NOTCH4: variants seen among roughly 807,000 people sequenced by gnomAD.
The protein encoded by NOTCH4 is notch receptor 4, also known as neurogenic locus notch homolog protein 4.
In NOTCH4, 138 loss-of-function variants were observed where a neutral mutation model predicts 189.0. That is an observed-to-expected ratio of 0.73 (90% CI 0.64 to 0.84). The LOEUF is 0.84. NOTCH4 is among the 40% of genes least tolerant of loss of function. NOTCH4 has a pLI of 0.00. For missense variants in NOTCH4, 2,286 were observed against 2,605.4 expected (o/e 0.88, Z 2.67); for synonymous variants, 942 against 1,032.8 (o/e 0.91, Z 1.69).
rs1396630711 is a variant in NOTCH4 at position 32,202,546 on chromosome 6, G to A, written c.3285C>T (p.His1095=). ...GCAGACACAGGCCTCCGTGGTGGCA[G>A]TGATGGAAGCCGCAGGAAGGGGCCC... is the stretch of plus-strand genomic sequence containing the variant. ...SHRAPSCGFH[H]CHHGGLCLPS... is the part of the protein sequence containing the mutation. The change falls in exon 21 of 30, where the codon CAC becomes CAT. Residue 1095 remains histidine (H), a synonymous_variant. Transcript: ENST00000375023. This position sits in a 1 kb window ranked among gnomAD's most constrained non-coding sequence, Gnocchi z 5.7. The A allele has an allele frequency of 1.2e-6, 2 of 1,607,216 alleles. No individual in the cohort carries two copies. Among genetic ancestry groups the A allele is most frequent in the Admixed American group, 1.7e-5 (1 of 59,918 alleles).
At chr6:32,197,263 G>A in intron 27 of NOTCH4, 36 bp downstream of exon 27, 1 of 1,514,538 alleles carries the variant, frequency 6.6e-7, no homozygotes, top group Non-Finnish European at 8.8e-7. Context: ...TTGTAAGCTC[G>A]CCCCATTCCC....
At position 32,203,907 on chromosome 6, in the gene NOTCH4, G is replaced by A. The variant is rs185824740; in HGVS notation, c.3119-25C>T. The A allele has an allele frequency of 2.6e-3, 3,943 of 1,526,758 alleles. 23 individuals carry two copies. The highest frequency in any genetic ancestry group is 2.4e-3 in the Non-Finnish European group (2,697 of 1,125,550). The allele number at this position is 1,526,758 out of a possible 1,614,324, so 94.6% of individuals were successfully genotyped here. On this transcript the variant is annotated intron_variant, in intron 19 of 29. Transcript: ENST00000375023. ...CCTGTAATTATGGGGGAGATTAGAT[G>A]TCACACACTGCATCAGTCACTGCCT...
chr6:32,206,074 A>G (rs1413896369), intron 18 of NOTCH4, among the ~76,000 whole-genome samples: 1 of 152,074 alleles, frequency 6.6e-6, no homozygotes, highest in Non-Finnish European at 1.5e-5. Flanking sequence ...TCAAAATAAT[A>G]AAAGCCATAT....
At position 32,195,955 on chromosome 6, in the gene NOTCH4, TG is replaced by T; in HGVS notation, c.5493del (p.Thr1832ArgfsTer17). On this transcript the variant is annotated frameshift_variant, in exon 30 of 30. Transcript: ENST00000375023. LOFTEE classifies it low-confidence loss of function (END_TRUNC). This position sits in a 1 kb window ranked among gnomAD's most constrained non-coding sequence, Gnocchi z 5.4. Reference sequence around the variant, plus strand: ...AAGGGCCCAGCCTCGCGGCCCGGCGTGGCTTTGTGACGGGCCTCTGGTGGCC... The same window carrying T: ...AAGGGCCCAGCCTCGCGGCCCGGCGTGCTTTGTGACGGGCCTCTGGTGGCC... Reference protein sequence around the residue: ...GAGPPEARHKATPGREAGPFP... With the variant: ...GAGPPEARHKXTPGREAGPFP... 1.3e-6 allele frequency: 2 copies of T among 1,594,844 alleles called. No homozygotes were observed. Among genetic ancestry groups the T allele is most frequent in the Non-Finnish European group, 1.7e-6 (2 of 1,177,496 alleles).
rs967411037 is a variant in NOTCH4, at chr6:32,197,351, C to G, written c.5000G>C (p.Gly1667Ala). Residue 1667 changes from glycine to alanine, a missense_variant, in exon 27 of 30, where the codon GGG becomes GCG. This residue lies in a region of NOTCH4 where 1,903 missense variants were observed against 2,261.9 expected (regional missense o/e 0.84). Transcript: ENST00000375023. Reference protein sequence around the residue: ...GANPNQPDRAGRTPLHAAVAA... With the variant: ...GANPNQPDRAARTPLHAAVAA... ...CACAGCAGCATGAAGGGGTGTGCGC[C>G]CTGCCCGGTCTGGCTGGTTGGGGTT... The G allele has an allele frequency of 6.5e-7, 1 of 1,535,526 alleles. No individual in the cohort carries two copies. Among genetic ancestry groups the G allele is most frequent in the African/African-American group, 1.4e-5 (1 of 72,540 alleles).
At position 32,219,469 on chromosome 6, in the gene NOTCH4, A is replaced by C. The variant is rs1022295864; in HGVS notation, c.1510+123T>G. The stretch of plus-strand genomic sequence containing the variant: ...TGAGTTTTCGTCTGGGGGTAGAGAG[A>C]GAAGCATCTGTGGTAACTTACGCCA... On this transcript the variant is annotated intron_variant, in intron 8 of 29. Transcript: ENST00000375023. The C allele has an allele frequency of 4.9e-5, 43 of 870,428 alleles. No homozygotes were observed. In the African/African-American group the frequency reaches 7.0e-4, roughly 14 times the overall value. The allele number at this position is 870,428 out of a possible 1,614,324, so 53.9% of individuals were successfully genotyped here. A position where few individuals can be genotyped will look rare whatever the true frequency, so the allele number is the denominator to read the frequency against.
Position 32,196,421 on chromosome 6 carries a change from C to T in NOTCH4, c.5201G>A (p.Gly1734Glu), listed in dbSNP as rs769112107. Reference sequence around the variant, plus strand: ...AGCAGCCCAGTGCAGCGCAGTTTTCCCTAGGGGACGACGTGGGAGGTTGTT... The same window carrying T: ...AGCAGCCCAGTGCAGCGCAGTTTTCTCTAGGGGACGACGTGGGAGGTTGTT... ...QADVGARDKW[G>E]KTALHWAAAV... is the part of the protein sequence containing the mutation. Residue 1734 changes from glycine to glutamate, a missense_variant and splice_region_variant, in exon 29 of 30, where the codon GGG becomes GAG. Around this residue, in one of 2 missense-constraint regions of NOTCH4, gnomAD observed 1,903 missense variants for 2,261.9 expected, o/e 0.84. Coordinates refer to ENST00000375023, the MANE Select transcript of NOTCH4 (RefSeq NM_004557.4). 3 of 1,612,694 alleles carry T rather than the reference C, an allele frequency of 1.9e-6. No individual in the cohort carries two copies. The highest frequency in any genetic ancestry group is 2.2e-5 in the East Asian group (1 of 44,892).
In NOTCH4 at chr6:32,214,226, G is replaced by C; in HGVS notation, c.2051C>G (p.Thr684Arg). The C allele has an allele frequency of 6.2e-7, 1 of 1,613,324 alleles. No individual in the cohort carries two copies. The highest frequency in any genetic ancestry group is 8.5e-7 in the Non-Finnish European group (1 of 1,179,724). Reference protein sequence around the residue: ...RSSCVCDVGWTGPECEAELGG... With the variant: ...RSSCVCDVGWRGPECEAELGG... ...TAGCTCTGCCTCACACTCTGGCCCC[G>C]TCCAACCCACGTCACACACACATGA... Residue 684 changes from threonine to arginine, a missense_variant, in exon 13 of 30, where the codon ACG becomes AGG. Transcript: ENST00000375023.
At position 32,218,643 on chromosome 6, in the gene NOTCH4, G is replaced by A. The variant is rs145447055; in HGVS notation, c.1511-535C>T. On this transcript the variant is annotated intron_variant, in intron 8 of 29. Transcript: ENST00000375023. ...GAGGTGGGATCAACCTCTGGACCTTGGCTTCCTTTCTTTTCTTGCCTGAGG... is the reference window on the plus strand; with the variant it reads ...GAGGTGGGATCAACCTCTGGACCTTAGCTTCCTTTCTTTTCTTGCCTGAGG... Among the ~76,000 whole-genome samples, 904 of 152,222 alleles carry A rather than the reference G, an allele frequency of 5.9e-3. 7 individuals carry two copies. In the Middle Eastern group the frequency reaches 0.068, roughly 11 times the overall value.
At position 32,197,647 on chromosome 6, in the gene NOTCH4, G is replaced by A. The variant is rs192514872; in HGVS notation, c.4757-53C>T. On this transcript the variant is annotated intron_variant, in intron 26 of 29. Transcript: ENST00000375023. ...ATCTAAAGGACACAACAAGGGGGAA[G>A]GGACAACATGTAAGCTCAGAGAGAA... 1,002 of 1,472,974 alleles carry A rather than the reference G, an allele frequency of 6.8e-4. 3 individuals are homozygous for A. Among genetic ancestry groups the A allele is most frequent in the Non-Finnish European group, 8.6e-4 (934 of 1,086,536 alleles). The allele number at this position is 1,472,974 out of a possible 1,614,324, so 91.2% of individuals were successfully genotyped here.
chr6:32,195,849 C>G lies in NOTCH4; in HGVS notation c.5600G>C (p.Gly1867Ala). ...ALPRCRTLSA[G>A]AGPRGGGACL... The stretch of plus-strand genomic sequence containing the variant: ...AGCTCCGCCCCCACGAGGGCCTGCT[C>G]CGGCTGACAGCGTCCGGCAGCGCGG... Residue 1867 changes from glycine (G) to alanine (A), a missense_variant, in exon 30 of 30, where the codon GGA becomes GCA. Around this residue, in one of 2 missense-constraint regions of NOTCH4, gnomAD observed 383 missense variants for 343.5 expected, o/e 1.11. Transcript: ENST00000375023. This position sits in a 1 kb window ranked among gnomAD's most constrained non-coding sequence, Gnocchi z 5.4. 3 of 1,597,230 alleles carry G rather than the reference C, an allele frequency of 1.9e-6. No homozygotes were observed. Among genetic ancestry groups the G allele is most frequent in the Non-Finnish European group, 2.5e-6 (3 of 1,178,428 alleles).
chr6:32,209,579 C>A (rs184816386), intron 18 of NOTCH4, among the ~76,000 whole-genome samples: 2 of 152,216 alleles, frequency 1.3e-5, no homozygotes, highest in Admixed American at 1.3e-4. Flanking sequence ...ACATTGTATG[C>A]ATGTATCAAA....
At position 32,210,885 on chromosome 6, in the gene NOTCH4, C is replaced by A; in HGVS notation, c.2732G>T (p.Gly911Val). 1.2e-6 allele frequency: 2 copies of A among 1,611,842 alleles called. No individual in the cohort carries two copies. The highest frequency in any genetic ancestry group is 1.7e-6 in the Non-Finnish European group (2 of 1,179,362). ...CHNGGLCVDS[G>V]PSYFCHCPPG... ...GGGGCAGTGGCAGAAATAGGAGGGG[C>A]CGCTGTCGACACAGAGGCCTCCATT... is the stretch of plus-strand genomic sequence containing the variant. Residue 911 changes from glycine to valine, a missense_variant, in exon 18 of 30, where the codon GGC becomes GTC. Gly to Val is a moderately radical substitution (Grantham distance 109). This residue lies in a region of NOTCH4 where 1,903 missense variants were observed against 2,261.9 expected (regional missense o/e 0.84). Transcript: ENST00000375023. This position sits in a 1 kb window ranked among gnomAD's most constrained non-coding sequence, Gnocchi z 4.8.
intron 3 of NOTCH4, among the ~76,000 whole-genome samples, chr6:32,222,166 G>A (rs1027706299): frequency 1.3e-5 from 2 of 152,036 alleles, no homozygotes; most frequent in Non-Finnish European, 2.9e-5. Context: ...CAGATGCTCA[G>A]AATGCAAAAG....
rs1372071491 is a variant in NOTCH4, at chr6:32,221,397, T to G, written c.452-72A>C. ...TAGCCCATCTGAGGTTACCCAGTGC[T>G]CACTCTGGATTATCTCTGGGTCTCA... On this transcript the variant is annotated intron_variant, in intron 3 of 29. Transcript: ENST00000375023. This position sits in a 1 kb window ranked among gnomAD's most constrained non-coding sequence, Gnocchi z 4.3. The G allele has an allele frequency of 9.2e-7, 1 of 1,082,232 alleles. No individual in the cohort carries two copies. Among genetic ancestry groups the G allele is most frequent in the East Asian group, 2.4e-5 (1 of 41,886 alleles). 67.0% of individuals were successfully genotyped at this position (1,082,232 alleles called of 1,614,324 possible). A position where few individuals can be genotyped will look rare whatever the true frequency, so the allele number is the denominator to read the frequency against.
At position 32,195,286 on chromosome 6, in the gene NOTCH4, T is replaced by A; in HGVS notation, c.*151A>T. The stretch of plus-strand genomic sequence containing the variant: ...AGCTGCAGCTTCTCCACGTGGAAGA[T>A]GTCTGCTCTGGTGGGCATACATTCA... On this transcript the variant is annotated 3_prime_UTR_variant, in exon 30 of 30. Coordinates refer to ENST00000375023, the MANE Select transcript of NOTCH4 (RefSeq NM_004557.4). This position sits in a 1 kb window ranked among gnomAD's most constrained non-coding sequence, Gnocchi z 5.4. 1.4e-6 allele frequency: 1 copy of A among 709,122 alleles called. No individual in the cohort carries two copies. The highest frequency in any genetic ancestry group is 2.8e-5 in the East Asian group (1 of 35,690). The allele number at this position is 709,122 out of a possible 1,614,324, so 43.9% of individuals were successfully genotyped here. A position where few individuals can be genotyped will look rare whatever the true frequency, so the allele number is the denominator to read the frequency against.
rs759189838 is a variant in NOTCH4 at position 32,195,606 on chromosome 6, T to C, written c.5843A>G (p.Asp1948Gly). ...AGRGGRVSTDDWPCDWVALGA... is the reference protein window; with the variant it reads ...AGRGGRVSTDGWPCDWVALGA... Reference sequence around the variant, plus strand: ...CAGGGCCACCCAATCACAGGGCCAGTCATCCGTTGAGACCCTGCCTCCGCG... The same window carrying C: ...CAGGGCCACCCAATCACAGGGCCAGCCATCCGTTGAGACCCTGCCTCCGCG... The change falls in exon 30 of 30, where the codon GAC becomes GGC. Residue 1948 changes from aspartate to glycine, a missense_variant. Physicochemically the swap from Asp to Gly is moderately conservative, Grantham distance 94. Transcript: ENST00000375023. The surrounding 1 kb of genome is among the most constrained non-coding windows in gnomAD (Gnocchi z 5.4). The C allele has an allele frequency of 3.7e-6, 6 of 1,612,938 alleles. No homozygotes were observed. The Admixed American group carries it at 1.0e-4, about 27-fold the overall frequency.
chr6:32,220,886 G>T lies in NOTCH4; in HGVS notation c.800-8C>A. ...AGTCTGGGCCTATGAAACCTGACAG[G>T]GTCATGGATCAGCTGTGGGAGGAGG... On this transcript the variant is annotated splice_region_variant and splice_polypyrimidine_tract_variant and intron_variant, in intron 4 of 29. Coordinates refer to ENST00000375023, the MANE Select transcript of NOTCH4 (RefSeq NM_004557.4). 6.2e-7 allele frequency: 1 copy of T among 1,612,650 alleles called. No homozygotes were observed. The highest frequency in any genetic ancestry group is 8.5e-7 in the Non-Finnish European group (1 of 1,179,230).
chr6:32,209,340 A>G (rs1222434280), intron 18 of NOTCH4, among the ~76,000 whole-genome samples: 1 of 152,136 alleles, frequency 6.6e-6, no homozygotes, highest in Non-Finnish European at 1.5e-5. Flanking sequence ...TGGTTACCAG[A>G]GGTTAGAAAG....
Sources: allele counts gnomAD v4.1 joint callset (sites outside exome capture counted in the v4.1 genomes callset), GRCh38; gene constraint gnomAD v4.1.1; regional missense constraint gnomAD v4.1.1; non-coding constraint Gnocchi (gnomAD v3.1); transcripts MANE v1.5; gene names NCBI Gene and HGNC (gene_info 2026-07-23, HGNC 2026-07-21).